Variants in CSMD1 observed in about 807,000 individuals in gnomAD.
The protein encoded by CSMD1 is CUB and sushi domain-containing protein 1.
A neutral mutation model predicts 417.5 loss-of-function variants in CSMD1; 213 were observed. The observed-to-expected ratio is 0.51, with a 90% CI of 0.46 to 0.57. The LOEUF (loss-of-function observed/expected upper bound fraction) is 0.57. Ranked by LOEUF, CSMD1 falls within the 20% of genes least tolerant of loss-of-function variation. The pLI is 0.00. For synonymous variants in CSMD1, 2,862 were observed against 1,736.8 expected (o/e 1.65, Z -16.11); for missense variants, 6,923 against 4,529.7 (o/e 1.53, Z -15.17).
intron 2 of CSMD1, among the ~76,000 whole-genome samples, chr8:4,450,767 G>A (rs927547552): frequency 2.0e-5 from 3 of 152,176 alleles, no homozygotes; most frequent in African/African-American, 7.2e-5. Flanking sequence ...TTCACAAATT[G>A]AAAGCAAGTA....
intron 8 of CSMD1, among the ~76,000 whole-genome samples, chr8:3,597,110 G>C (rs1247930005): frequency 3.3e-5 from 5 of 152,158 alleles, no homozygotes; most frequent in Non-Finnish European, 7.3e-5. Context: ...AGCCTGCTGA[G>C]GCTCTGGCTT....
At chr8:3,157,041 G>A (rs1180634932) in intron 39 of CSMD1, among the ~76,000 whole-genome samples, 9 of 147,664 alleles carry the variant, frequency 6.1e-5, no homozygotes, top group African/African-American at 2.3e-4. Flanking sequence ...CGCAGAGGAA[G>A]TAGATCCAGG....
At position 2,974,567 on chromosome 8, in the gene CSMD1, A is replaced by T; in HGVS notation, c.8624T>A (p.Phe2875Tyr). Residue 2875 changes from phenylalanine (F) to tyrosine (Y), a missense_variant, in exon 56 of 70, where the codon TTT (phenylalanine) becomes TAT (tyrosine). Physicochemically the swap from Phe to Tyr is conservative, Grantham distance 22. Coordinates refer to ENST00000635120, the MANE Select transcript of CSMD1 (RefSeq NM_033225.6). ...GTAGTGCACGACGGCGCCATAGGTA[A>T]ACAGCTCTCCAGTGAGGACGGCGTT... ...PANAVLTGEL[F>Y]TYGAVVHYSC... 1 of 1,613,062 alleles carries T rather than the reference A, an allele frequency of 6.2e-7. No individual in the cohort carries two copies.
chr8:4,064,141 T>C (rs756189672), intron 3 of CSMD1, among the ~76,000 whole-genome samples: 2 of 152,180 alleles, frequency 1.3e-5, no homozygotes, highest in Admixed American at 6.5e-5. Flanking sequence ...CTGCCTCTGA[T>C]GTAAAGTTCA....
intron 1 of CSMD1, among the ~76,000 whole-genome samples, chr8:4,926,638 G>C (rs758261223): frequency 1.3e-5 from 2 of 152,084 alleles, no homozygotes; most frequent in African/African-American, 2.4e-5. Context: ...CTTAATTCTT[G>C]ATTTCCTTGC....
Position 3,895,996 on chromosome 8 carries a change from T to C in CSMD1, c.818+101907A>G, listed in dbSNP as rs555584361. Among the ~76,000 whole-genome samples, 14 of 152,328 alleles carry C rather than the reference T, an allele frequency of 9.2e-5. 1 individual carries two copies. The South Asian group carries it at 2.9e-3, about 32-fold the overall frequency. On this transcript the variant is annotated intron_variant, in intron 5 of 69. Coordinates refer to ENST00000635120, the MANE Select transcript of CSMD1 (RefSeq NM_033225.6). ...TAACCTCCCCTATTACTGTAAATCA[T>C]TCAGTGCAGTGTGGTTTCTTCCAGA...
At chr8:4,226,436 C>T (rs925212506) in intron 3 of CSMD1, among the ~76,000 whole-genome samples, 2 of 152,080 alleles carry the variant, frequency 1.3e-5, no homozygotes, top group Non-Finnish European at 2.9e-5. Flanking sequence ...ATTAATTCAG[C>T]ACACAAAAAC....
chr8:3,183,654 C>T (rs973852566), intron 36 of CSMD1, among the ~76,000 whole-genome samples: 4 of 152,028 alleles, frequency 2.6e-5, no homozygotes, highest in Admixed American at 6.5e-5. Flanking sequence ...ACGTCACGAA[C>T]TGAACGCCTA....
rs554222621 is a variant in CSMD1 at position 3,479,588 on chromosome 8, C to G, written c.1449-10764G>C. Among the ~76,000 whole-genome samples, 27 of 152,290 alleles carry G rather than the reference C, an allele frequency of 1.8e-4. 1 individual carries two copies. In the South Asian group the frequency reaches 5.4e-3, roughly 30 times the overall value. ...AGCCACCGCGCCCAGCCTGCCATTTCTTTCAATGGCATAAATGCCATTACT... is the reference window on the plus strand; with the variant it reads ...AGCCACCGCGCCCAGCCTGCCATTTGTTTCAATGGCATAAATGCCATTACT... On this transcript the variant is annotated intron_variant, in intron 11 of 69. Coordinates refer to ENST00000635120, the MANE Select transcript of CSMD1 (RefSeq NM_033225.6).
At chr8:3,069,217 C>T (rs772164239) in intron 49 of CSMD1, among the ~76,000 whole-genome samples, 3 of 151,960 alleles carry the variant, frequency 2.0e-5, no homozygotes, top group South Asian at 4.1e-4. Context: ...AGGTGGATCA[C>T]GAGATCAGGA....
At chr8:4,556,566 C>G (rs902848993) in intron 2 of CSMD1, among the ~76,000 whole-genome samples, 3 of 152,148 alleles carry the variant, frequency 2.0e-5, no homozygotes, top group African/African-American at 4.8e-5. Flanking sequence ...ATAATACCTA[C>G]TTGTCTAAAT....
intron 5 of CSMD1, among the ~76,000 whole-genome samples, chr8:3,857,646 G>C (rs1585098907): frequency 6.6e-6 from 1 of 152,166 alleles, no homozygotes; most frequent in African/African-American, 2.4e-5. Context: ...TGGGGACACA[G>C]ATGGTCCGAA....
At chr8:4,221,439 G>T (rs1157143964) in intron 3 of CSMD1, among the ~76,000 whole-genome samples, 2 of 151,126 alleles carry the variant, frequency 1.3e-5, no homozygotes, top group Non-Finnish European at 2.9e-5. Context: ...TGGGTTAACA[G>T]ACAACTGGAA....
intron 1 of CSMD1, among the ~76,000 whole-genome samples, chr8:4,873,375 G>A (rs551328709): frequency 2.0e-5 from 3 of 152,196 alleles, no homozygotes; most frequent in Non-Finnish European, 2.9e-5. Context: ...GCAGATCAGC[G>A]ATAGAGGAGA....
At chr8:3,354,720 G>A (rs2161751) in intron 21 of CSMD1, among the ~76,000 whole-genome samples, 113,285 of 151,064 alleles carry the variant, frequency 0.75, 42,886 homozygotes, top group South Asian at 0.87. Context: ...AGCTTAGAAC[G>A]TTGTTTCAAT....
rs541215291 is a variant in CSMD1 at position 4,276,418 on chromosome 8, G to A, written c.415+143535C>T. Among the ~76,000 whole-genome samples, 401 of 152,224 alleles carry A rather than the reference G, an allele frequency of 2.6e-3. 2 individuals are homozygous for A. The highest frequency in any genetic ancestry group is 9.2e-3 in the African/African-American group (382 of 41,528). On this transcript the variant is annotated intron_variant, in intron 3 of 69. Transcript: ENST00000635120. ...ATGTTTTCACTCATAAGTGGGAGTT[G>A]AACAATGAGGACTCATGGACGCTTG...
chr8:4,793,030 T>C (rs1027035467), intron 1 of CSMD1, among the ~76,000 whole-genome samples: 121 of 151,898 alleles, frequency 8.0e-4, no homozygotes, highest in African/African-American at 2.8e-3. Context: ...ACATAAGCCA[T>C]TAAGCCATTG....
intron 5 of CSMD1, among the ~76,000 whole-genome samples, chr8:3,780,906 A>G (rs1799142575): frequency 1.3e-5 from 2 of 152,346 alleles, no homozygotes; most frequent in South Asian, 4.1e-4. Context: ...GTAACACTGG[A>G]GAATTTAGGT....
At chr8:3,096,319 G>C (rs1373169274) in intron 47 of CSMD1, among the ~76,000 whole-genome samples, 2 of 152,120 alleles carry the variant, frequency 1.3e-5, no homozygotes, top group Non-Finnish European at 2.9e-5. Flanking sequence ...CACCTATCGT[G>C]GGACAAATCT....
Sources: allele counts gnomAD v4.1 joint callset (sites outside exome capture counted in the v4.1 genomes callset), GRCh38; gene constraint gnomAD v4.1.1; transcripts MANE v1.5; gene names NCBI Gene and HGNC (gene_info 2026-07-23, HGNC 2026-07-21).